ARHGAP31: variants seen among roughly 807,000 people sequenced by gnomAD.
ARHGAP31 encodes Rho GTPase activating protein 31.
ARHGAP31 carries 34 observed loss-of-function variants against 113.9 expected under a neutral mutation model. The observed-to-expected ratio is 0.30, with a 90% CI of 0.23 to 0.40. The LOEUF (loss-of-function observed/expected upper bound fraction) is 0.40. Ranked by LOEUF, ARHGAP31 falls within the 10% of genes least tolerant of loss-of-function variation. ARHGAP31 has a pLI of 1.00. For missense variants in ARHGAP31, 1,548 were observed against 1,767.1 expected (o/e 0.88, Z 2.22); for synonymous variants, 650 against 684.8 (o/e 0.95, Z 0.79).
intron 10 of ARHGAP31, among the ~76,000 whole-genome samples, chr3:119,408,993 G>A (rs964694647): frequency 3.9e-5 from 6 of 152,196 alleles, no homozygotes; most frequent in Non-Finnish European, 5.9e-5. Flanking sequence ...ACTTCTCGAA[G>A]TCTGACTAGT....
At chr3:119,306,075 A>G (rs1424346291) in intron 1 of ARHGAP31, among the ~76,000 whole-genome samples, 1 of 152,072 alleles carries the variant, frequency 6.6e-6, no homozygotes, top group East Asian at 1.9e-4. Flanking sequence ...AGAATTCTGG[A>G]CCTCTCTTGT....
At chr3:119,370,059 T>C (rs1232668358) in intron 3 of ARHGAP31, among the ~76,000 whole-genome samples, 2 of 152,128 alleles carry the variant, frequency 1.3e-5, no homozygotes, top group Non-Finnish European at 2.9e-5. Context: ...CATAGAGTTG[T>C]CATTGGTTAT....
At chr3:119,406,704 T>C (rs961772319) in intron 10 of ARHGAP31, among the ~76,000 whole-genome samples, 2 of 152,232 alleles carry the variant, frequency 1.3e-5, no homozygotes, top group Non-Finnish European at 2.9e-5. Context: ...ATGAAGGGAT[T>C]GGCTCACTCA....
intron 3 of ARHGAP31, among the ~76,000 whole-genome samples, chr3:119,377,730 G>C (rs1183905132): frequency 4.0e-5 from 6 of 150,858 alleles, no homozygotes. Flanking sequence ...AACTTTCCTT[G>C]TACATTCCTT....
Position 119,399,193 on chromosome 3 carries a change from CT to C in ARHGAP31, c.1007-3del. 1.9e-6 allele frequency: 3 copies of C among 1,612,756 alleles called. No homozygotes were observed. Among genetic ancestry groups the C allele is most frequent in the Non-Finnish European group, 1.7e-6 (2 of 1,178,862 alleles). ...TCATCAAGGATATTTTTTCTTTTGT[CT>C]TTAGTGGAAAAGGCTACTATCCGAC... On this transcript the variant is annotated splice_polypyrimidine_tract_variant and splice_region_variant and intron_variant, in intron 8 of 11. Transcript: ENST00000264245.
At chr3:119,392,544 T>A (rs1207961568) in intron 7 of ARHGAP31, among the ~76,000 whole-genome samples, 1 of 152,202 alleles carries the variant, frequency 6.6e-6, no homozygotes, top group Non-Finnish European at 1.5e-5. Flanking sequence ...ACCCACAGAT[T>A]GCAGGTTTTC....
chr3:119,315,075 G>A (rs9877740), intron 1 of ARHGAP31, among the ~76,000 whole-genome samples: 59,531 of 152,096 alleles, frequency 0.39, 11,862 homozygotes, highest in Non-Finnish European at 0.41. Flanking sequence ...GGGCCTTCTA[G>A]TACATTGTCC....
chr3:119,325,050 A>G (rs2079829556), intron 1 of ARHGAP31: 2 of 450,540 alleles, frequency 4.4e-6, no homozygotes, highest in South Asian at 3.1e-5. Context: ...GTTAATGTTT[A>G]TTGAACACTC....
chr3:119,391,379 C>T (rs974940534), intron 7 of ARHGAP31, among the ~76,000 whole-genome samples: 2 of 152,020 alleles, frequency 1.3e-5, no homozygotes, highest in African/African-American at 2.4e-5. Flanking sequence ...CCCCACGTGA[C>T]GATACAAAAA....
At chr3:119,386,484 C>T (rs2107633560) in intron 6 of ARHGAP31, among the ~76,000 whole-genome samples, 1 of 152,302 alleles carries the variant, frequency 6.6e-6, no homozygotes, top group South Asian at 2.1e-4. Flanking sequence ...CATTAGGGCT[C>T]CACCCTCATG....
intron 1 of ARHGAP31, among the ~76,000 whole-genome samples, chr3:119,350,307 T>A (rs1378394803): frequency 1.3e-5 from 2 of 152,076 alleles, no homozygotes; most frequent in Non-Finnish European, 2.9e-5. Flanking sequence ...TCGGGAATAT[T>A]GGGCAGGAAA....
chr3:119,312,284 G>C (rs1180325308), intron 1 of ARHGAP31, among the ~76,000 whole-genome samples: 1 of 152,222 alleles, frequency 6.6e-6, no homozygotes, highest in Non-Finnish European at 1.5e-5. Flanking sequence ...TTCTAAACCA[G>C]AGTTTCAAAC....
At chr3:119,297,513 G>C (rs201222409) in intron 1 of ARHGAP31, among the ~76,000 whole-genome samples, 4 of 151,934 alleles carry the variant, frequency 2.6e-5, no homozygotes, top group Admixed American at 2.6e-4. Flanking sequence ...CCTGCATTGA[G>C]AGGAAAGATA....
At chr3:119,331,406 G>A (rs557803095) in intron 1 of ARHGAP31, among the ~76,000 whole-genome samples, 2 of 152,246 alleles carry the variant, frequency 1.3e-5, no homozygotes, top group Admixed American at 6.5e-5. Context: ...AATAGGTTAA[G>A]TGAAGCCGTA....
At chr3:119,395,636 G>A (rs997323568) in intron 8 of ARHGAP31, among the ~76,000 whole-genome samples, 4 of 152,126 alleles carry the variant, frequency 2.6e-5, no homozygotes, top group African/African-American at 9.7e-5. Flanking sequence ...AATTCCCCTT[G>A]TCTCGGTATC....
chr3:119,368,620 A>T (rs1014788996), intron 3 of ARHGAP31, 104 bp downstream of exon 3: 1 of 1,421,250 alleles, frequency 7.0e-7, no homozygotes, highest in East Asian at 2.4e-5. Flanking sequence ...CAGATGGTTG[A>T]CATTATCTTA....
chr3:119,295,403 G>A (rs1392723870), intron 1 of ARHGAP31, among the ~76,000 whole-genome samples: 8 of 148,538 alleles, frequency 5.4e-5, no homozygotes, highest in African/African-American at 2.0e-4. Context: ...ACAAAATCAT[G>A]ACCGCCTTAG....
intron 1 of ARHGAP31, among the ~76,000 whole-genome samples, chr3:119,339,601 G>A (rs936658100): frequency 1.3e-5 from 2 of 152,048 alleles, no homozygotes; most frequent in African/African-American, 2.4e-5. Flanking sequence ...CCTCCGACCC[G>A]CCGCATCTCC....
chr3:119,405,839 A>AT (rs2080656383), intron 10 of ARHGAP31, among the ~76,000 whole-genome samples: 1 of 152,188 alleles, frequency 6.6e-6, no homozygotes, highest in Admixed American at 6.5e-5. Context: ...TTTGTTGAAG[A>AT]TTTTCAGGTA....
Sources: gnomAD v4.1 joint callset for allele counts (sites outside exome capture counted in the v4.1 genomes callset) on GRCh38, gnomAD v4.1.1 for gene constraint, MANE v1.5 for transcripts, NCBI Gene and HGNC (gene_info 2026-07-23, HGNC 2026-07-21) for gene names.